Variants in KIAA2013 observed in about 807,000 individuals in gnomAD.
The protein encoded by KIAA2013 is KIAA2013, also known as uncharacterized protein KIAA2013.
KIAA2013 carries 20 observed loss-of-function variants against 39.9 expected under a neutral mutation model. The observed-to-expected ratio is 0.50, with a 90% CI of 0.35 to 0.73. KIAA2013 has a LOEUF of 0.73. Ranked by LOEUF, KIAA2013 falls within the 30% of genes least tolerant of loss-of-function variation. The pLI is 0.01. For missense variants in KIAA2013, 587 were observed against 856.1 expected, an observed-to-expected ratio of 0.69 and a Z score of 3.92; for synonymous variants, 336 against 416.6, an observed-to-expected ratio of 0.81 and a Z score of 2.35.
In KIAA2013 at chr1:11,925,865, A is replaced by C; in HGVS notation, c.373T>G (p.Phe125Val). Reference sequence around the variant, plus strand: ...GCGCTCAGCGGGCGCAGCTGCACGAAGGGCACAAAGTCCGGCGCCACGGCG... The same window carrying C: ...GCGCTCAGCGGGCGCAGCTGCACGACGGGCACAAAGTCCGGCGCCACGGCG... ...EPAVAPDFVP[F>V]VQLRPLSALA... Residue 125 changes from phenylalanine to valine, a missense_variant, in exon 1 of 3, where the codon TTC becomes GTC. Coordinates refer to ENST00000376572, the MANE Select transcript of KIAA2013 (RefSeq NM_138346.3). The surrounding 1 kb of genome is among the most constrained non-coding windows in gnomAD (Gnocchi z 5.2). 6.5e-6 allele frequency: 10 copies of C among 1,530,888 alleles called. No homozygotes were observed. Among genetic ancestry groups the C allele is most frequent in the Non-Finnish European group, 8.7e-6 (10 of 1,145,790 alleles). 94.8% of individuals were successfully genotyped at this position (1,530,888 alleles called of 1,614,324 possible).
In KIAA2013 at chr1:11,925,644, T is replaced by C. The variant is rs1389346369; in HGVS notation, c.594A>G (p.Arg198=). 1.9e-6 allele frequency: 3 copies of C among 1,608,246 alleles called. No individual in the cohort carries two copies. The African/African-American group carries it at 4.0e-5, about 22-fold the overall frequency. Residue 198 remains arginine (R), a synonymous_variant, in exon 1 of 3, where the codon CGA becomes CGG. Transcript: ENST00000376572. The surrounding 1 kb of genome is among the most constrained non-coding windows in gnomAD (Gnocchi z 5.2). Reference sequence around the variant, plus strand: ...GGATGCGCTGCAGGTAGACGTGGGGTCGGCCCCTGTGCGCCAGAAAGTCCT... The same window carrying C: ...GGATGCGCTGCAGGTAGACGTGGGGCCGGCCCCTGTGCGCCAGAAAGTCCT... The part of the protein sequence containing the change: ...LQEDFLAHRG[R]PHVYLQRIQL...
rs754702822 is a variant in KIAA2013, at chr1:11,923,253, G to T, written c.1270C>A (p.Leu424Met). ...PGRLSSVQQI[L>M]QLSDLWRLTL... Reference sequence around the variant, plus strand: ...AGCCTCCACAGGTCAGAGAGCTGCAGGATCTGCTGGACGGAGGACAGCCGC... The same window carrying T: ...AGCCTCCACAGGTCAGAGAGCTGCATGATCTGCTGGACGGAGGACAGCCGC... Residue 424 changes from leucine (L) to methionine (M), a missense_variant, in exon 2 of 3, where the codon CTG becomes ATG. Physicochemically the swap from Leu to Met is conservative, Grantham distance 15 (BLOSUM62 2). Coordinates refer to ENST00000376572, the MANE Select transcript of KIAA2013 (RefSeq NM_138346.3). This position sits in a 1 kb window ranked among gnomAD's most constrained non-coding sequence, Gnocchi z 4.6. 10 of 1,613,754 alleles carry T rather than the reference G, an allele frequency of 6.2e-6. No homozygotes were observed. In the Admixed American group the frequency reaches 1.5e-4, roughly 24 times the overall value.
chr1:11,922,377 G>A (rs1645479544), intron 2 of KIAA2013: 1 of 1,433,542 alleles, frequency 7.0e-7, no homozygotes. Flanking sequence ...TAAATGCTGA[G>A]ATTTATGATG....
intron 2 of KIAA2013, chr1:11,922,299 C>A: frequency 1.5e-6 from 2 of 1,334,126 alleles, no homozygotes; most frequent in South Asian, 3.6e-5. Context: ...AAGGGATTCT[C>A]CCATCTCAGC....
chr1:11,921,635 C>T (rs1424091855), intron 2 of KIAA2013, among the ~76,000 whole-genome samples: 3 of 151,742 alleles, frequency 2.0e-5, no homozygotes, highest in Admixed American at 6.6e-5. Flanking sequence ...CTGCAACCTC[C>T]GTCTCCCGGG....
Position 11,920,413 on chromosome 1 carries a change from A to G in KIAA2013, c.1888-81T>C, listed in dbSNP as rs142500748. 4.9e-4 allele frequency: 703 copies of G among 1,422,208 alleles called. 1 individual carries two copies. The African/African-American group carries it at 5.2e-3, about 10-fold the overall frequency. 88.1% of individuals were successfully genotyped at this position (1,422,208 alleles called of 1,614,324 possible). ...GCTATAGAAATAGGCTACGGAGACA[A>G]CCCTAGTGGCACCACACCCTGGCTC... is the stretch of plus-strand genomic sequence containing the variant. On this transcript the variant is annotated intron_variant, in intron 2 of 2. Transcript: ENST00000376572.
Position 11,923,221 on chromosome 1 carries a change from G to A in KIAA2013, c.1302C>T (p.Leu434=). Residue 434 remains leucine (L), a synonymous_variant, in exon 2 of 3, where the codon CTC becomes CTT. Transcript: ENST00000376572. This position sits in a 1 kb window ranked among gnomAD's most constrained non-coding sequence, Gnocchi z 4.6. The stretch of plus-strand genomic sequence containing the variant: ...CCAGCCCCTTGCAGCCACGCTTCTG[G>A]AGGGTCAGCCTCCACAGGTCAGAGA... ...LQLSDLWRLT[L]QKRGCKGLVK... is the part of the protein sequence containing the mutation. 6.2e-7 allele frequency: 1 copy of A among 1,613,754 alleles called. No homozygotes were observed. The highest frequency in any genetic ancestry group is 8.5e-7 in the Non-Finnish European group (1 of 1,179,852).
intron 2 of KIAA2013, among the ~76,000 whole-genome samples, chr1:11,921,461 G>A (rs147994412): frequency 3.2e-3 from 486 of 152,268 alleles, no homozygotes; most frequent in Non-Finnish European, 5.0e-3. Context: ...GGGAAGCTGG[G>A]GATCCCGCCA....
intron 1 of KIAA2013, among the ~76,000 whole-genome samples, chr1:11,924,449 C>A (rs1264073563): frequency 6.6e-6 from 1 of 152,022 alleles, no homozygotes; most frequent in Non-Finnish European, 1.5e-5. Context: ...TTTCTAATGT[C>A]TGTCTTCCTC....
In KIAA2013 at chr1:11,919,784, G is replaced by A. The variant is rs951533186; in HGVS notation, c.*531C>T. The stretch of plus-strand genomic sequence containing the variant: ...CAGCACAACCCGCACCCTCCTACAG[G>A]CAGCAGCACAGCCACCCTGGGGGGC... On this transcript the variant is annotated 3_prime_UTR_variant, in exon 3 of 3. Transcript: ENST00000376572. The A allele has an allele frequency of 1.2e-5, 2 of 172,902 alleles. No individual in the cohort carries two copies. The highest frequency in any genetic ancestry group is 2.5e-5 in the Non-Finnish European group (2 of 81,492). The allele number at this position is 172,902 out of a possible 1,614,324, so 10.7% of individuals were successfully genotyped here.
rs140448092 is a variant in KIAA2013 at position 11,923,080 on chromosome 1, A to G, written c.1443T>C (p.Tyr481=). 4.8e-5 allele frequency: 78 copies of G among 1,611,592 alleles called. No individual in the cohort carries two copies. In the African/African-American group the frequency reaches 9.2e-4, roughly 19 times the overall value. ...TCTTGTAGCGGATGCCATGCAATGC[A>G]TAGCTGTTGTGCAGCACGTCGGGGT... The part of the protein sequence containing the change: ...QADPDVLHNS[Y]ALHGIRYKND... The change falls in exon 2 of 3, where the codon TAT becomes TAC. Residue 481 remains tyrosine (Y), a synonymous_variant. Transcript: ENST00000376572. This position sits in a 1 kb window ranked among gnomAD's most constrained non-coding sequence, Gnocchi z 4.6.
intron 2 of KIAA2013, among the ~76,000 whole-genome samples, chr1:11,921,697 G>A (rs1251288590): frequency 6.6e-6 from 1 of 151,792 alleles, no homozygotes; most frequent in Non-Finnish European, 1.5e-5. Context: ...TTACAGGCAT[G>A]CACCACCATG....
Position 11,925,161 on chromosome 1 carries a change from G to C in KIAA2013, c.1033+44C>G. The C allele has an allele frequency of 6.6e-7, 1 of 1,505,622 alleles. No homozygotes were observed. The highest frequency in any genetic ancestry group is 8.9e-7 in the Non-Finnish European group (1 of 1,123,350). 93.3% of individuals were successfully genotyped at this position (1,505,622 alleles called of 1,614,324 possible). A position where few individuals can be genotyped will look rare whatever the true frequency, so the allele number is the denominator to read the frequency against. On this transcript the variant is annotated intron_variant, in intron 1 of 2. Transcript: ENST00000376572. The surrounding 1 kb of genome is among the most constrained non-coding windows in gnomAD (Gnocchi z 5.2). ...CTTCAGTGTCACCTCTGCAGACTTG[G>C]GAGGGACATATCTAGGGTGGACCAA... is the stretch of plus-strand genomic sequence containing the variant.
At position 11,926,075 on chromosome 1, in the gene KIAA2013, C is replaced by G. The variant is rs755769766; in HGVS notation, c.163G>C (p.Gly55Arg). 6 of 1,461,360 alleles carry G rather than the reference C, an allele frequency of 4.1e-6. No individual in the cohort carries two copies. 90.5% of individuals were successfully genotyped at this position (1,461,360 alleles called of 1,614,324 possible). ...GGLHLLPWSR[G>R]EPGAAEPSAC... ...GACGGCTCGGCGGCGCCCGGCTCACCGCGGGACCAGGGCAGCAGGTGCAGG... is the reference window on the plus strand; with the variant it reads ...GACGGCTCGGCGGCGCCCGGCTCACGGCGGGACCAGGGCAGCAGGTGCAGG... Residue 55 changes from glycine (G) to arginine (R), a missense_variant, in exon 1 of 3, where the codon GGT becomes CGT. Gly to Arg is a moderately radical substitution (Grantham distance 125). Coordinates refer to ENST00000376572, the MANE Select transcript of KIAA2013 (RefSeq NM_138346.3).
intron 1 of KIAA2013, among the ~76,000 whole-genome samples, chr1:11,924,826 C>T (rs1305742371): frequency 1.3e-5 from 2 of 152,122 alleles, no homozygotes; most frequent in Admixed American, 6.6e-5. Flanking sequence ...GTCACCAGGC[C>T]GACTGCGGTG....
chr1:11,925,549 T>A lies in KIAA2013; in HGVS notation c.689A>T (p.Lys230Met), dbSNP rs1448973203. 1 of 1,606,762 alleles carries A rather than the reference T, an allele frequency of 6.2e-7. No homozygotes were observed. Among genetic ancestry groups the A allele is most frequent in the African/African-American group, 1.3e-5 (1 of 74,850 alleles). Residue 230 changes from lysine (K) to methionine (M), a missense_variant, in exon 1 of 3, where the codon AAG becomes ATG. Coordinates refer to ENST00000376572, the MANE Select transcript of KIAA2013 (RefSeq NM_138346.3). The surrounding 1 kb of genome is among the most constrained non-coding windows in gnomAD (Gnocchi z 5.2). ...TVGPTAGPAP[K>M]AFTSTLEKVG... ...CTTCTCCAGGGTACTGGTGAAGGCC[T>A]TGGGGGCTGGGCCGGCAGTGGGCCC...
intron 1 of KIAA2013, among the ~76,000 whole-genome samples, chr1:11,924,289 G>A (rs1375983555): frequency 7.0e-6 from 1 of 143,714 alleles, no homozygotes; most frequent in East Asian, 2.3e-4. Flanking sequence ...ACAAGGTTTC[G>A]CCACGTTGGC....
chr1:11,922,592 G>C (rs368369701), intron 2 of KIAA2013, 44 bp downstream of exon 2: 7 of 1,603,366 alleles, frequency 4.4e-6, no homozygotes, highest in Non-Finnish European at 6.0e-6. Context: ...AGGGCTGAGA[G>C]CAAGGCCAAG....
At position 11,923,533 on chromosome 1, in the gene KIAA2013, G is replaced by A; in HGVS notation, c.1034-44C>T. On this transcript the variant is annotated intron_variant, in intron 1 of 2. Transcript: ENST00000376572. The surrounding 1 kb of genome is among the most constrained non-coding windows in gnomAD (Gnocchi z 4.6). ...GGCATGTTAAGGGGGAAGGACAGCT[G>A]GGAGGCAGAGCATACGAAATAAAGA... The A allele has an allele frequency of 1.9e-6, 3 of 1,590,652 alleles. No individual in the cohort carries two copies. In the South Asian group the frequency reaches 3.3e-5, roughly 18 times the overall value.
Sources: gnomAD v4.1 joint callset for allele counts (sites outside exome capture counted in the v4.1 genomes callset) on GRCh38, gnomAD v4.1.1 for gene constraint, Gnocchi (gnomAD v3.1) non-coding constraint, MANE v1.5 for transcripts, NCBI Gene and HGNC (gene_info 2026-07-23, HGNC 2026-07-21) for gene names.